The following HMGA2 variants were observed in gnomAD, a reference collection of about 807,000 sequenced individuals.
HMGA2 encodes high mobility group protein HMGI-C.
A neutral mutation model predicts 19.1 loss-of-function variants in HMGA2; 8 were observed. The observed-to-expected ratio is 0.42, with a 90% CI of 0.25 to 0.76. The LOEUF is 0.76. HMGA2 is among the 30% of genes least tolerant of loss of function. HMGA2 has a pLI of 0.28. For synonymous variants in HMGA2, 60 were observed against 48.8 expected (o/e 1.23, Z -0.96); for missense variants, 109 against 136.3 (o/e 0.80, Z 1.00).
In HMGA2 at chr12:65,824,913, G is replaced by C. The variant is rs536176397; in HGVS notation, c.-358G>C. 281 of 297,634 alleles carry C rather than the reference G, an allele frequency of 9.4e-4. No individual in the cohort carries two copies. Among genetic ancestry groups the C allele is most frequent in the African/African-American group, 5.5e-3 (257 of 46,546 alleles). 18.4% of individuals were successfully genotyped at this position (297,634 alleles called of 1,614,324 possible). On this transcript the variant is annotated 5_prime_UTR_variant, in exon 1 of 5. Transcript: ENST00000403681. The stretch of plus-strand genomic sequence containing the variant: ...CTCCTGATCCCAACCCGCGAGAGGA[G>C]CCTCTGCGACCTCAAAGCCTCTCTT...
At chr12:65,857,159 T>C (rs1366766309) in intron 3 of HMGA2, 4 of 152,360 alleles carry the variant, frequency 2.6e-5, no homozygotes, top group Middle Eastern at 3.4e-3. Flanking sequence ...TTCAAAAGAT[T>C]TATAGACTGC....
chr12:65,956,365 C>T (rs944794667), intron 4 of HMGA2: 1 of 152,164 alleles, frequency 6.6e-6, no homozygotes, highest in African/African-American at 2.4e-5. Flanking sequence ...AACCTCTGAC[C>T]TCTGACATCA....
At chr12:65,868,612 C>A (rs1217829421) in intron 3 of HMGA2, among the ~76,000 whole-genome samples, 2 of 152,056 alleles carry the variant, frequency 1.3e-5, no homozygotes, top group Non-Finnish European at 2.9e-5. Context: ...TACATAATCA[C>A]CATTTGTACA....
chr12:65,935,734 G>A (rs1875866829), intron 3 of HMGA2, among the ~76,000 whole-genome samples: 1 of 152,064 alleles, frequency 6.6e-6, no homozygotes, highest in Non-Finnish European at 1.5e-5. Flanking sequence ...AACTGTTGAA[G>A]AAAAAGAAGC....
At chr12:65,874,968 C>G (rs1028866976) in intron 3 of HMGA2, among the ~76,000 whole-genome samples, 34 of 152,274 alleles carry the variant, frequency 2.2e-4, no homozygotes, top group Admixed American at 2.2e-3. Context: ...CTTCTCATCT[C>G]CCTTTATTCA....
At chr12:65,867,090 G>C (rs1872462376) in intron 3 of HMGA2, 1 of 373,354 alleles carries the variant, frequency 2.7e-6, no homozygotes, top group Non-Finnish European at 5.3e-6. Flanking sequence ...AGGTACATGA[G>C]ATAACTTAGC....
At chr12:65,918,264 G>A (rs1030757326) in intron 3 of HMGA2, among the ~76,000 whole-genome samples, 1 of 152,124 alleles carries the variant, frequency 6.6e-6, no homozygotes, top group African/African-American at 2.4e-5. Context: ...GTACCTGTCA[G>A]CATTTGCAGA....
rs911548261 is a variant in HMGA2, at chr12:65,880,486, C to G, written c.249+41917C>G. On this transcript the variant is annotated intron_variant, in intron 3 of 4. Coordinates refer to ENST00000403681, the MANE Select transcript of HMGA2 (RefSeq NM_003483.6). ...ATTAAACAAATATTTCATTTTAGAG[C>G]TATATGGGAAATTAGAGACCTCAAA... 2.6e-5 allele frequency among the ~76,000 whole-genome samples: 4 copies of G among 152,040 alleles called. No homozygotes were observed. In the East Asian group the frequency reaches 7.7e-4, roughly 29 times the overall value.
intron 3 of HMGA2, among the ~76,000 whole-genome samples, chr12:65,890,798 C>T (rs1243445101): frequency 6.6e-6 from 1 of 151,492 alleles, no homozygotes; most frequent in African/African-American, 2.4e-5. Flanking sequence ...GATCTTGGCT[C>T]ACTGCAACCT....
At chr12:65,835,593 T>C (rs1222338832) in intron 2 of HMGA2, among the ~76,000 whole-genome samples, 1 of 152,192 alleles carries the variant, frequency 6.6e-6, no homozygotes, top group African/African-American at 2.4e-5. Flanking sequence ...TATTTCTCAA[T>C]AGGCTTTTTG....
intron 3 of HMGA2, among the ~76,000 whole-genome samples, chr12:65,903,994 C>T (rs921032844): frequency 6.6e-6 from 1 of 152,176 alleles, no homozygotes; most frequent in African/African-American, 2.4e-5. Flanking sequence ...TTATATTTGT[C>T]AGTATATAGT....
intron 3 of HMGA2, among the ~76,000 whole-genome samples, chr12:65,868,252 G>T (rs1351944748): frequency 3.9e-5 from 6 of 152,110 alleles, no homozygotes; most frequent in Admixed American, 2.6e-4. Flanking sequence ...TTTTTCATTT[G>T]CAGTGCAGAT....
intron 4 of HMGA2, chr12:65,953,629 T>C (rs1876526843): frequency 6.6e-6 from 1 of 152,108 alleles, no homozygotes; most frequent in African/African-American, 2.4e-5. Flanking sequence ...AAGCCACAAG[T>C]GGATTGAGTT....
Position 65,952,300 on chromosome 12 carries a change from T to C in HMGA2, c.282+885T>C. On this transcript the variant is annotated intron_variant, in intron 4 of 4. Transcript: ENST00000403681. The stretch of plus-strand genomic sequence containing the variant: ...TCTTTCATGTAATTTTAAGTATCCA[T>C]GAAATTTTTTTCCCTAGAAGTCTTT... The C allele has an allele frequency of 5.7e-6, 7 of 1,232,416 alleles. 1 individual carries two copies. In the South Asian group the frequency reaches 7.8e-5, roughly 14 times the overall value. 76.3% of individuals were successfully genotyped at this position (1,232,416 alleles called of 1,614,324 possible).
intron 3 of HMGA2, among the ~76,000 whole-genome samples, chr12:65,846,624 A>G (rs1014957469): frequency 9.2e-5 from 14 of 152,116 alleles, no homozygotes; most frequent in African/African-American, 3.4e-4. Context: ...CTACTGAAAC[A>G]CTTTTTTTGT....
At chr12:65,838,960 A>AAC (rs1382473295) in intron 3 of HMGA2, among the ~76,000 whole-genome samples, 1 of 130,440 alleles carries the variant, frequency 7.7e-6, no homozygotes, top group African/African-American at 3.5e-5. Context: ...ATAACTTTTT[A>AAC]ACGTTTTTCT....
chr12:65,827,780 T>C (rs1026617472), intron 1 of HMGA2, among the ~76,000 whole-genome samples: 8 of 152,236 alleles, frequency 5.3e-5, no homozygotes, highest in African/African-American at 1.9e-4. Flanking sequence ...AATCTAGTTT[T>C]CATATACAAA....
At chr12:65,931,721 G>A (rs1195304245) in intron 3 of HMGA2, among the ~76,000 whole-genome samples, 3 of 152,048 alleles carry the variant, frequency 2.0e-5, no homozygotes, top group East Asian at 1.9e-4. Context: ...TAGTGGATGG[G>A]CGCCAGAACG....
At chr12:65,879,494 T>C (rs1292577249) in intron 3 of HMGA2, among the ~76,000 whole-genome samples, 2 of 152,224 alleles carry the variant, frequency 1.3e-5, no homozygotes, top group Admixed American at 1.3e-4. Flanking sequence ...TTTTTTCTTC[T>C]AAACTTCATA....
Sources: allele counts gnomAD v4.1 joint callset (sites outside exome capture counted in the v4.1 genomes callset), GRCh38; gene constraint gnomAD v4.1.1; transcripts MANE v1.5; gene names NCBI Gene and HGNC (gene_info 2026-07-23, HGNC 2026-07-21).